Variants in MAP7 observed in about 807,000 individuals in gnomAD.
MAP7 encodes the protein microtubule associated protein 7.
MAP7 carries 52 observed loss-of-function variants against 94.8 expected under a neutral mutation model. That is an observed-to-expected ratio of 0.55 (90% CI 0.44 to 0.69). The LOEUF is 0.69. Among genes scored for constraint, MAP7 ranks in the 30% least tolerant of loss-of-function variants. The pLI is 0.00. For synonymous variants in MAP7, 350 were observed against 357.0 expected (o/e 0.98, Z 0.22); for missense variants, 940 against 964.6 (o/e 0.97, Z 0.34).
chr6:136,485,597 C>T (rs1583042610), intron 1 of MAP7, among the ~76,000 whole-genome samples: 1 of 125,714 alleles, frequency 8.0e-6, no homozygotes. Flanking sequence ...GAGTCTCGCT[C>T]TGTCGCCCAG....
At chr6:136,376,439 A>C (rs1312862416) in intron 7 of MAP7, among the ~76,000 whole-genome samples, 1 of 152,128 alleles carries the variant, frequency 6.6e-6, no homozygotes, top group Non-Finnish European at 1.5e-5. Flanking sequence ...CTAAAGAAAA[A>C]CTCATGACTT....
chr6:136,352,428 C>T (rs1301219912), intron 16 of MAP7, among the ~76,000 whole-genome samples: 2 of 152,130 alleles, frequency 1.3e-5, no homozygotes, highest in African/African-American at 4.8e-5. Context: ...TCAAGTGATC[C>T]ACCTGCCTCA....
intron 8 of MAP7, among the ~76,000 whole-genome samples, chr6:136,372,031 A>T (rs1212436833): frequency 6.6e-6 from 1 of 152,180 alleles, no homozygotes; most frequent in Non-Finnish European, 1.5e-5. Context: ...CTTGACAGGG[A>T]TTAGCCAAGC....
intron 1 of MAP7, among the ~76,000 whole-genome samples, chr6:136,513,881 T>C (rs190973349): frequency 1.1e-3 from 166 of 152,274 alleles, no homozygotes; most frequent in Non-Finnish European, 1.9e-3. Flanking sequence ...GAAAATGTTA[T>C]ATAAATTGCA....
chr6:136,381,841 A>G (rs1230113696), intron 6 of MAP7, among the ~76,000 whole-genome samples: 3 of 144,154 alleles, frequency 2.1e-5, no homozygotes, highest in Admixed American at 1.4e-4. Context: ...CTGATGTCCT[A>G]TGTCCTAATT....
At chr6:136,419,631 A>AAAC (rs1297837443) in intron 2 of MAP7, among the ~76,000 whole-genome samples, 1 of 152,232 alleles carries the variant, frequency 6.6e-6, no homozygotes, top group Non-Finnish European at 1.5e-5. Flanking sequence ...TAAAGGTGAG[A>AAAC]AACAGTTCTA....
rs536907743 is a variant in MAP7, at chr6:136,515,184, C to CT, written c.67+35157dup. ...ATGACCATCCTCTGCTAGTTTCAAACTTTTTTTCTGCAGTTCCCTCACCTC... is the reference window on the plus strand; with the variant it reads ...ATGACCATCCTCTGCTAGTTTCAAACTTTTTTTTCTGCAGTTCCCTCACCTC... On this transcript the variant is annotated intron_variant, in intron 1 of 17. Coordinates refer to ENST00000354570, the MANE Select transcript of MAP7 (RefSeq NM_003980.6). Among the ~76,000 whole-genome samples, 410 of 152,290 alleles carry CT rather than the reference C, an allele frequency of 2.7e-3. 4 individuals carry two copies. Among genetic ancestry groups the CT allele is most frequent in the Middle Eastern group, 0.024 (7 of 294 alleles).
chr6:136,380,246 T>C (rs1777380903), intron 6 of MAP7, among the ~76,000 whole-genome samples: 1 of 152,196 alleles, frequency 6.6e-6, no homozygotes, highest in Admixed American at 6.5e-5. Context: ...CTAAACAAAC[T>C]TTATGGATAC....
At chr6:136,462,499 C>T (rs982681781) in intron 1 of MAP7, among the ~76,000 whole-genome samples, 2 of 152,140 alleles carry the variant, frequency 1.3e-5, no homozygotes, top group Admixed American at 1.3e-4. Flanking sequence ...AGCAGATTCA[C>T]AAGCAACACA....
intron 1 of MAP7, among the ~76,000 whole-genome samples, chr6:136,512,224 C>G (rs1823497027): frequency 6.6e-6 from 1 of 152,240 alleles, no homozygotes; most frequent in Non-Finnish European, 1.5e-5. Flanking sequence ...AGTGTGTTGC[C>G]TCCAATCAGT....
chr6:136,358,978 A>G (rs2128555959), intron 15 of MAP7, among the ~76,000 whole-genome samples: 1 of 152,322 alleles, frequency 6.6e-6, no homozygotes, highest in East Asian at 1.9e-4. Context: ...ACGGCCTGGC[A>G]CATAGAAGAG....
rs961431085 is a variant in MAP7, at chr6:136,346,149, C to T, written c.2016-70G>A. The T allele has an allele frequency of 5.7e-6, 5 of 879,226 alleles. No homozygotes were observed. The African/African-American group carries it at 6.8e-5, about 12-fold the overall frequency. The allele number at this position is 879,226 out of a possible 1,614,324, so 54.5% of individuals were successfully genotyped here. On this transcript the variant is annotated intron_variant, in intron 16 of 17. Coordinates refer to ENST00000354570, the MANE Select transcript of MAP7 (RefSeq NM_003980.6). ...ACTGGAAAACACATTATTAGGAAAACCAAAATGTTTTATAATGAATAATTT... is the reference window on the plus strand; with the variant it reads ...ACTGGAAAACACATTATTAGGAAAATCAAAATGTTTTATAATGAATAATTT...
chr6:136,354,378 AATATATATAGTAGATAT>A (rs1449024929), intron 16 of MAP7, among the ~76,000 whole-genome samples: 12 of 144,016 alleles, frequency 8.3e-5, no homozygotes, highest in East Asian at 7.8e-4. Flanking sequence ...TATATATAAA[AATATATATAGTAGATAT>A]ATATATATAG....
intron 1 of MAP7, among the ~76,000 whole-genome samples, chr6:136,456,822 G>GAAGAAGAAGGAAGAAGAA (rs1554259490): frequency 1.2e-4 from 8 of 69,028 alleles, no homozygotes; most frequent in East Asian, 6.8e-4. Flanking sequence ...AGAAGAAGAA[G>GAAGAAGAAGGAAGAAGAA]GAAGAAGAAG....
At chr6:136,374,494 T>C (rs1457935260) in intron 7 of MAP7, among the ~76,000 whole-genome samples, 1 of 152,150 alleles carries the variant, frequency 6.6e-6, no homozygotes, top group Non-Finnish European at 1.5e-5. Flanking sequence ...TGCTCAAGGA[T>C]CAAGAAACCC....
At chr6:136,376,031 A>G (rs745516655) in intron 7 of MAP7, among the ~76,000 whole-genome samples, 71 of 152,332 alleles carry the variant, frequency 4.7e-4, no homozygotes, top group Non-Finnish European at 8.5e-4. Context: ...AGCACAACAC[A>G]GCATACAAGG....
chr6:136,474,365 C>T (rs904249768), intron 1 of MAP7, among the ~76,000 whole-genome samples: 6 of 152,000 alleles, frequency 3.9e-5, no homozygotes, highest in African/African-American at 1.4e-4. Context: ...ACGGCAGGGG[C>T]GAGTGTAGAG....
intron 3 of MAP7, among the ~76,000 whole-genome samples, chr6:136,410,579 CA>C (rs1195467529): frequency 6.6e-6 from 1 of 152,192 alleles, no homozygotes; most frequent in Admixed American, 6.5e-5. Context: ...TTCCAGTAAG[CA>C]AATGAAATCT....
intron 16 of MAP7, among the ~76,000 whole-genome samples, chr6:136,346,441 A>G (rs1021226431): frequency 3.3e-5 from 5 of 152,134 alleles, no homozygotes; most frequent in African/African-American, 1.2e-4. Flanking sequence ...ACGCACCAGT[A>G]GTCCAAGCTA....
Sources: allele counts gnomAD v4.1 joint callset (sites outside exome capture counted in the v4.1 genomes callset), GRCh38; gene constraint gnomAD v4.1.1; transcripts MANE v1.5; gene names NCBI Gene and HGNC (gene_info 2026-07-23, HGNC 2026-07-21).